GSK3B: variants seen among roughly 807,000 people sequenced by gnomAD.
GSK3B encodes the protein glycogen synthase kinase-3 beta.
Under a neutral mutation model 56.4 loss-of-function variants are expected in GSK3B, and 15 were observed. That is an observed-to-expected ratio of 0.27 (90% CI 0.18 to 0.41). The LOEUF (loss-of-function observed/expected upper bound fraction) is 0.41, where lower values mean the gene tolerates loss of function less well. Among genes scored for constraint, GSK3B ranks in the 10% least tolerant of loss-of-function variants. The pLI, the probability that GSK3B is intolerant of heterozygous loss-of-function variation, is 1.00. For synonymous variants in GSK3B, 181 were observed against 188.9 expected, an observed-to-expected ratio of 0.96 and a Z score of 0.34; for missense variants, 300 against 513.4, an observed-to-expected ratio of 0.58 and a Z score of 4.02.
chr3:120,029,471 GTTA>G (rs2057957284), intron 1 of GSK3B: 1 of 686,574 alleles, frequency 1.5e-6, no homozygotes, highest in Non-Finnish European at 2.7e-6. Flanking sequence ...CAAGAGCAGT[GTTA>G]TTATCTGCAG....
intron 4 of GSK3B, 55 bp from the exon 5 acceptor site, chr3:119,916,229 T>A (rs928037003): frequency 4.9e-6 from 7 of 1,437,412 alleles, no homozygotes; most frequent in Non-Finnish European, 5.8e-6. Context: ...CAAATCAGAA[T>A]CCTTAAGCAG....
chr3:119,992,784 A>G (rs1163028202), intron 2 of GSK3B, among the ~76,000 whole-genome samples: 2 of 152,138 alleles, frequency 1.3e-5, no homozygotes, highest in Non-Finnish European at 2.9e-5. Context: ...CAATTCATAC[A>G]GACTCACAAA....
intron 2 of GSK3B, among the ~76,000 whole-genome samples, chr3:119,952,548 T>C (rs778858469): frequency 2.9e-5 from 4 of 137,124 alleles, no homozygotes; most frequent in Non-Finnish European, 6.4e-5. Context: ...ACCCAAAATA[T>C]GATAAACACA....
intron 9 of GSK3B, among the ~76,000 whole-genome samples, chr3:119,862,417 T>C (rs1254008620): frequency 1.5e-5 from 2 of 134,544 alleles, no homozygotes; most frequent in Admixed American, 1.5e-4. Context: ...GAGATATACC[T>C]AATGCTAGAT....
At chr3:120,018,764 T>C (rs375578066) in intron 1 of GSK3B, among the ~76,000 whole-genome samples, 5 of 152,350 alleles carry the variant, frequency 3.3e-5, no homozygotes, top group South Asian at 2.1e-4. Context: ...CTGTGTCATT[T>C]TGCTGATATA....
intron 9 of GSK3B, among the ~76,000 whole-genome samples, chr3:119,844,755 C>T (rs1021111462): frequency 5.3e-5 from 8 of 152,206 alleles, no homozygotes; most frequent in African/African-American, 1.9e-4. Context: ...GGTACCATTC[C>T]TTCTGAAACT....
intron 2 of GSK3B, among the ~76,000 whole-genome samples, chr3:119,976,484 C>T (rs1036588359): frequency 9.2e-5 from 14 of 152,198 alleles, no homozygotes; most frequent in African/African-American, 3.1e-4. Flanking sequence ...AAAGATCGTA[C>T]ATTGTGTGAT....
intron 8 of GSK3B, among the ~76,000 whole-genome samples, chr3:119,872,362 G>A: frequency 6.6e-6 from 1 of 152,150 alleles, no homozygotes; most frequent in East Asian, 1.9e-4. Context: ...CTTCCTGAGA[G>A]TGAAGAGGCA....
chr3:119,922,928 T>G (rs1342323824), intron 4 of GSK3B, among the ~76,000 whole-genome samples: 1 of 152,212 alleles, frequency 6.6e-6, no homozygotes. Flanking sequence ...AATGCATATT[T>G]AAAATTGCCA....
At chr3:119,898,756 G>A (rs987552142) in intron 7 of GSK3B, among the ~76,000 whole-genome samples, 9 of 152,038 alleles carry the variant, frequency 5.9e-5, no homozygotes, top group South Asian at 2.1e-4. Context: ...GAAAACATAC[G>A]TAGTACCAAA....
At chr3:119,906,423 A>C (rs980216751) in intron 6 of GSK3B, among the ~76,000 whole-genome samples, 1 of 152,138 alleles carries the variant, frequency 6.6e-6, no homozygotes, top group African/African-American at 2.4e-5. Context: ...TTACTTCATA[A>C]ATTATAAAAA....
In GSK3B at chr3:119,822,110, T is replaced by C. The variant is rs988742231; in HGVS notation, c.*4678A>G. The stretch of plus-strand genomic sequence containing the variant: ...AGCATACTTTTCACAAAAAAGTTTA[T>C]ATTTAAAATGAAAAAAAAATCAGTC... On this transcript the variant is annotated 3_prime_UTR_variant, in exon 11 of 11. Coordinates refer to ENST00000264235, the MANE Select transcript of GSK3B (RefSeq NM_001146156.2). 2.4e-4 allele frequency: 32 copies of C among 135,716 alleles called. No homozygotes were observed. In the Admixed American group the frequency reaches 4.0e-3, roughly 17 times the overall value. The allele number at this position is 135,716 out of a possible 1,614,324, so 8.4% of individuals were successfully genotyped here. A position where few individuals can be genotyped will look rare whatever the true frequency, so the allele number is the denominator to read the frequency against.
chr3:120,078,238 T>C (rs536506065), intron 1 of GSK3B, among the ~76,000 whole-genome samples: 57 of 152,254 alleles, frequency 3.7e-4, no homozygotes, highest in African/African-American at 1.3e-3. Context: ...TGTAAGAAAT[T>C]AACACAAAAA....
chr3:119,969,761 C>T (rs1434135164), intron 2 of GSK3B, among the ~76,000 whole-genome samples: 1 of 152,212 alleles, frequency 6.6e-6, no homozygotes, highest in Non-Finnish European at 1.5e-5. Context: ...GTAGAGTAGT[C>T]TAAACATTTA....
At chr3:120,054,815 A>G (rs1182866842) in intron 1 of GSK3B, among the ~76,000 whole-genome samples, 2 of 152,198 alleles carry the variant, frequency 1.3e-5, no homozygotes, top group African/African-American at 4.8e-5. Context: ...CTCATCTTGG[A>G]AAACAATAAC....
chr3:120,094,167 T>C lies in GSK3B; in HGVS notation c.-733A>G, dbSNP rs969530741. On this transcript the variant is annotated 5_prime_UTR_variant, in exon 1 of 11. Coordinates refer to ENST00000264235, the MANE Select transcript of GSK3B (RefSeq NM_001146156.2). Reference sequence around the variant, plus strand: ...AGACCCCAGGCAGCGGCTCCTCGACTGTTCCCCATTCGCCGGGGACATGGG... The same window carrying C: ...AGACCCCAGGCAGCGGCTCCTCGACCGTTCCCCATTCGCCGGGGACATGGG... The C allele has an allele frequency of 1.3e-5, 3 of 229,402 alleles. No homozygotes were observed. The highest frequency in any genetic ancestry group is 2.6e-5 in the Non-Finnish European group (3 of 114,544). 14.2% of individuals were successfully genotyped at this position (229,402 alleles called of 1,614,324 possible). A position where few individuals can be genotyped will look rare whatever the true frequency, so the allele number is the denominator to read the frequency against.
chr3:119,997,025 T>A (rs1344806004), intron 2 of GSK3B, among the ~76,000 whole-genome samples: 1 of 152,172 alleles, frequency 6.6e-6, no homozygotes, highest in Non-Finnish European at 1.5e-5. Flanking sequence ...AAACCCTATA[T>A]GAAAATCAGT....
rs3835183 is a variant in GSK3B at position 119,824,329 on chromosome 3, G to GCACACACACACA, written c.*2447_*2458dup. On this transcript the variant is annotated 3_prime_UTR_variant, in exon 11 of 11. Transcript: ENST00000264235. ...TGAGAAAGAAAAATCACACATCTCA[G>GCACACACACACA]CACACACACACACACACACACACGC... The GCACACACACACA allele has an allele frequency of 4.9e-6, 1 of 204,588 alleles. No individual in the cohort carries two copies. The highest frequency in any genetic ancestry group is 9.9e-6 in the Non-Finnish European group (1 of 101,066). The allele number at this position is 204,588 out of a possible 1,614,324, so 12.7% of individuals were successfully genotyped here. A position where few individuals can be genotyped will look rare whatever the true frequency, so the allele number is the denominator to read the frequency against.
intron 3 of GSK3B, among the ~76,000 whole-genome samples, chr3:119,930,550 T>A (rs1261355934): frequency 1.3e-5 from 2 of 152,168 alleles, no homozygotes; most frequent in African/African-American, 4.8e-5. Flanking sequence ...TGAATAAAAA[T>A]TTAAAGAACT....
Sources: gnomAD v4.1 joint callset for allele counts (sites outside exome capture counted in the v4.1 genomes callset) on GRCh38, gnomAD v4.1.1 for gene constraint, MANE v1.5 for transcripts, NCBI Gene and HGNC (gene_info 2026-07-23, HGNC 2026-07-21) for gene names.